Variants in RARS1 observed in about 807,000 individuals in gnomAD.
The protein encoded by RARS1 is arginyl-tRNA synthetase 1, also known as arginine--tRNA ligase, cytoplasmic.
In RARS1, 75 loss-of-function variants were observed where a neutral mutation model predicts 78.7. The observed-to-expected ratio is 0.95, with a 90% CI of 0.79 to 1.15. RARS1 has a LOEUF of 1.15. Ranked by LOEUF, RARS1 falls within the 50% of genes most tolerant of loss-of-function variation. The pLI is 0.00. For synonymous variants in RARS1, 273 were observed against 268.2 expected (o/e 1.02, Z -0.18); for missense variants, 787 against 787.5 (o/e 1.00, Z 0.01).
At chr5:168,505,451 A>G (rs1758419362) in intron 9 of RARS1, among the ~76,000 whole-genome samples, 1 of 152,194 alleles carries the variant, frequency 6.6e-6, no homozygotes, top group African/African-American at 2.4e-5. Flanking sequence ...AGTGTCAACT[A>G]CTTTTCAGCA....
In RARS1 at chr5:168,490,425, C is replaced by A. The variant is rs978674222; in HGVS notation, c.180+1689C>A. ...TCAAGTAATCCTCCCACCTCAGCCT[C>A]CCAAGTAGCTGGGATGGAAGTACAG... is the stretch of plus-strand genomic sequence containing the variant. On this transcript the variant is annotated intron_variant, in intron 2 of 14. Coordinates refer to ENST00000231572, the MANE Select transcript of RARS1 (RefSeq NM_002887.4). 8.5e-5 allele frequency among the ~76,000 whole-genome samples: 13 copies of A among 152,204 alleles called. 1 individual carries two copies. Among genetic ancestry groups the A allele is most frequent in the Admixed American group, 2.6e-4 (4 of 15,278 alleles).
At chr5:168,494,217 T>C (rs1758137676) in intron 4 of RARS1, 2 of 980,984 alleles carry the variant, frequency 2.0e-6, no homozygotes, top group African/African-American at 1.7e-5. Flanking sequence ...TTTGCCTCTC[T>C]GTGATTCAGT....
chr5:168,509,982 A>G (rs977213599), intron 11 of RARS1, among the ~76,000 whole-genome samples: 2 of 152,120 alleles, frequency 1.3e-5, no homozygotes, highest in African/African-American at 4.8e-5. Flanking sequence ...AAAAATAAAT[A>G]AATGAGTGAA....
At chr5:168,505,560 G>A (rs1017059081) in intron 9 of RARS1, among the ~76,000 whole-genome samples, 13 of 152,022 alleles carry the variant, frequency 8.6e-5, no homozygotes, top group South Asian at 2.1e-4. Flanking sequence ...TGGTCCTACC[G>A]AGCTGATGGG....
intron 8 of RARS1, 25 bp downstream of exon 8, chr5:168,500,745 C>T (rs1369659959): frequency 6.2e-6 from 10 of 1,603,364 alleles, no homozygotes; most frequent in East Asian, 2.2e-5. Flanking sequence ...TTTGTTCCTT[C>T]GTCCAGCAAA....
chr5:168,503,390 AG>A (rs1245427146), intron 9 of RARS1, among the ~76,000 whole-genome samples: 1 of 152,198 alleles, frequency 6.6e-6, no homozygotes, highest in Non-Finnish European at 1.5e-5. Flanking sequence ...TAAAACAGGT[AG>A]GGTAGTAGAA....
At chr5:168,504,245 G>T (rs1217889283) in intron 9 of RARS1, among the ~76,000 whole-genome samples, 4 of 151,868 alleles carry the variant, frequency 2.6e-5, no homozygotes, top group African/African-American at 7.3e-5. Context: ...GCCAGGCGTG[G>T]CTGGGCGTGG....
chr5:168,504,668 A>C (rs75399022), intron 9 of RARS1, among the ~76,000 whole-genome samples: 24,655 of 151,542 alleles, frequency 0.16, 2,501 homozygotes, highest in East Asian at 0.52. Flanking sequence ...TACTAAAAAT[A>C]CAAAAAATTA....
chr5:168,494,731 C>T (rs1758148655), intron 5 of RARS1, 81 bp downstream of exon 5: 4 of 1,021,184 alleles, frequency 3.9e-6, no homozygotes, highest in East Asian at 2.5e-5. Flanking sequence ...CCTATAGTCT[C>T]AGCTACTTGG....
In RARS1 at chr5:168,517,795, AT is replaced by A; in HGVS notation, c.1626-13del. ...AGGGAACAGTGGTGATTGCCTGATG[AT>A]TTTTTTGTTTTTTTTAAGGTCTATT... On this transcript the variant is annotated intron_variant, in intron 13 of 14. Transcript: ENST00000231572. 3 of 1,543,592 alleles carry A rather than the reference AT, an allele frequency of 1.9e-6. No homozygotes were observed. Among genetic ancestry groups the A allele is most frequent in the Admixed American group, 1.9e-5 (1 of 52,030 alleles).
Position 168,517,832 on chromosome 5 carries a change from C to T in RARS1, c.1643C>T (p.Ala548Val). 1 of 1,599,822 alleles carries T rather than the reference C, an allele frequency of 6.3e-7. No individual in the cohort carries two copies. Reference protein sequence around the residue: ...FTRIRSIARLANIDEEMLQKA... With the variant: ...FTRIRSIARLVNIDEEMLQKA... ...TTTTTAAGGTCTATTGCACGTCTGGCCAATATTGATGAAGAAATGCTCCAA... is the reference window on the plus strand; with the variant it reads ...TTTTTAAGGTCTATTGCACGTCTGGTCAATATTGATGAAGAAATGCTCCAA... The change falls in exon 14 of 15, where the codon GCC (alanine) becomes GTC (valine). Residue 548 changes from alanine (A) to valine (V), a missense_variant. Ala to Val is a moderately conservative substitution (Grantham distance 64, BLOSUM62 0). Transcript: ENST00000231572.
intron 11 of RARS1, 132 bp downstream of exon 11, chr5:168,506,963 C>A: frequency 1.4e-6 from 1 of 689,878 alleles, no homozygotes; most frequent in Non-Finnish European, 2.4e-6. Context: ...GGTGTAAACC[C>A]AGCTGAGTGA....
At chr5:168,506,236 G>C (rs778577612) in intron 10 of RARS1, 37 bp downstream of exon 10, 73 of 1,459,426 alleles carry the variant, frequency 5.0e-5, no homozygotes, top group Non-Finnish European at 6.5e-5. Flanking sequence ...TACATTGACT[G>C]ATTAGAGGTA....
intron 2 of RARS1, among the ~76,000 whole-genome samples, chr5:168,492,401 T>G (rs1758104216): frequency 6.6e-6 from 1 of 152,148 alleles, no homozygotes; most frequent in South Asian, 2.1e-4. Flanking sequence ...AACTCCCTCC[T>G]CCCAGTTTCT....
rs1418503146 is a variant in RARS1 at position 168,500,677 on chromosome 5, T to C, written c.909T>C (p.Asp303=). 6.2e-7 allele frequency: 1 copy of C among 1,610,316 alleles called. No homozygotes were observed. The highest frequency in any genetic ancestry group is 2.2e-5 in the East Asian group (1 of 44,744). Residue 303 remains aspartate (D), a synonymous_variant, in exon 8 of 15, where the codon GAT becomes GAC. Transcript: ENST00000231572. ...TTCTGCTCCAGGGTAAAAACCCAGATATTACAAAAGCTTGGAAGCTTATCT... is the reference window on the plus strand; with the variant it reads ...TTCTGCTCCAGGGTAAAAACCCAGACATTACAAAAGCTTGGAAGCTTATCT... ...CVVLLQGKNP[D]ITKAWKLICD... is the part of the protein sequence containing the mutation.
intron 10 of RARS1, among the ~76,000 whole-genome samples, 174 bp downstream of exon 10, chr5:168,506,373 C>T (rs778978562): frequency 2.0e-5 from 3 of 152,200 alleles, no homozygotes; most frequent in Non-Finnish European, 4.4e-5. Context: ...AAACTGGACA[C>T]TTCCTAGTTT....
At chr5:168,511,634 T>C (rs949724095) in intron 12 of RARS1, among the ~76,000 whole-genome samples, 4 of 152,198 alleles carry the variant, frequency 2.6e-5, no homozygotes, top group African/African-American at 9.7e-5. Context: ...TTAACTCTTT[T>C]TAACCACTCC....
chr5:168,500,822 A>G, intron 8 of RARS1, 102 bp downstream of exon 8: 1 of 1,363,108 alleles, frequency 7.3e-7, no homozygotes, highest in Non-Finnish European at 9.8e-7. Context: ...TAACCTTCTA[A>G]GGACAGGCAA....
chr5:168,497,426 A>T, intron 7 of RARS1, 78 bp downstream of exon 7: 1 of 1,260,504 alleles, frequency 7.9e-7, no homozygotes, highest in Non-Finnish European at 1.0e-6. Context: ...GAAACTTAAA[A>T]TGGTTTTTAA....
Sources: gnomAD v4.1 joint callset for allele counts (sites outside exome capture counted in the v4.1 genomes callset) on GRCh38, gnomAD v4.1.1 for gene constraint, MANE v1.5 for transcripts, NCBI Gene and HGNC (gene_info 2026-07-23, HGNC 2026-07-21) for gene names.